The following ZNF45 variants were observed in gnomAD, a reference collection of about 807,000 sequenced individuals.
The protein encoded by ZNF45 is BRC1744.
In ZNF45, 4 loss-of-function variants were observed where a neutral mutation model predicts 12.0. The ratio of observed to expected loss-of-function variants is 0.33; its 90% CI spans 0.16 to 0.76. The LOEUF (loss-of-function observed/expected upper bound fraction) is 0.76. Among genes scored for constraint, ZNF45 ranks in the 30% least tolerant of loss-of-function variants. ZNF45 has a pLI of 0.60. For missense variants in ZNF45, 700 were observed against 813.0 expected (o/e 0.86, Z 1.69); for synonymous variants, 272 against 279.6 (o/e 0.97, Z 0.27).
intron 1 of ZNF45, 41 bp from the exon 2 acceptor site, chr19:43,934,735 A>G (rs763885710): frequency 6.6e-6 from 1 of 152,230 alleles, no homozygotes; most frequent in Non-Finnish European, 1.5e-5. Flanking sequence ...TTGCTGAAAA[A>G]TGAATATTTT....
intron 3 of ZNF45, among the ~76,000 whole-genome samples, chr19:43,927,126 G>C (rs763476283): frequency 1.5e-4 from 23 of 151,916 alleles, no homozygotes; most frequent in Non-Finnish European, 2.6e-4. Context: ...AGATAATTTC[G>C]GTCTCCTAAC....
At chr19:43,922,594 C>T (rs763195194) in intron 6 of ZNF45, among the ~76,000 whole-genome samples, 71 of 152,110 alleles carry the variant, frequency 4.7e-4, no homozygotes, top group African/African-American at 9.6e-4. Context: ...GCTATTTATT[C>T]GCTATGAAAT....
chr19:43,913,274 G>A lies in ZNF45; in HGVS notation c.*113C>T. ...CACTCTTGTGAGGCTTCTCTGCTGTGTGGTCTCCCAATCACTTGGCTGAAC... is the reference window on the plus strand; with the variant it reads ...CACTCTTGTGAGGCTTCTCTGCTGTATGGTCTCCCAATCACTTGGCTGAAC... On this transcript the variant is annotated 3_prime_UTR_variant, in exon 10 of 10. Coordinates refer to ENST00000269973, the MANE Select transcript of ZNF45 (RefSeq NM_003425.4). 7.9e-7 allele frequency: 1 copy of A among 1,261,488 alleles called. No individual in the cohort carries two copies. Among genetic ancestry groups the A allele is most frequent in the Non-Finnish European group, 1.1e-6 (1 of 920,186 alleles). The allele number at this position is 1,261,488 out of a possible 1,614,324, so 78.1% of individuals were successfully genotyped here.
intron 9 of ZNF45, 118 bp from the exon 10 acceptor site, chr19:43,915,318 A>G (rs2146739808): frequency 9.6e-7 from 1 of 1,040,634 alleles, no homozygotes; most frequent in Non-Finnish European, 1.3e-6. Context: ...AGAAGGTTCC[A>G]TTGCCTACTG....
chr19:43,918,886 C>T lies in ZNF45; in HGVS notation c.219G>A (p.Gln73=), dbSNP rs199752842. 106 of 1,614,098 alleles carry T rather than the reference C, an allele frequency of 6.6e-5. No individual in the cohort carries two copies. Among genetic ancestry groups the T allele is most frequent in the Non-Finnish European group, 8.4e-5 (99 of 1,179,960 alleles). ...EKLWMMKMAT[Q]RDNSSGAKNL... is the part of the protein sequence containing the mutation. The stretch of plus-strand genomic sequence containing the variant: ...CCTCCTCACCTGAGGAGTTATCTCT[C>T]TGGGTTGCCATCTTCATCATCCACA... Residue 73 remains glutamine (Q), a synonymous_variant, in exon 9 of 10, where the codon CAG becomes CAA. Transcript: ENST00000269973.
At chr19:43,918,020 G>C (rs1380392578) in intron 9 of ZNF45, among the ~76,000 whole-genome samples, 1 of 152,056 alleles carries the variant, frequency 6.6e-6, no homozygotes, top group Non-Finnish European at 1.5e-5. Context: ...GAAAATAAAG[G>C]CATTGCCATA....
intron 2 of ZNF45, among the ~76,000 whole-genome samples, chr19:43,933,571 C>G (rs1974300994): frequency 6.6e-6 from 1 of 152,028 alleles, no homozygotes; most frequent in Non-Finnish European, 1.5e-5. Flanking sequence ...GTGGGAGAGG[C>G]AATAAGATTA....
chr19:43,917,102 G>A (rs1187173626), intron 9 of ZNF45, among the ~76,000 whole-genome samples: 1 of 152,116 alleles, frequency 6.6e-6, no homozygotes, highest in African/African-American at 2.4e-5. Flanking sequence ...CTGAAGGCTA[G>A]GACTATTAGT....
Position 43,914,400 on chromosome 19 carries a change from G to A in ZNF45, c.1036C>T (p.His346Tyr). 1.9e-6 allele frequency: 3 copies of A among 1,609,842 alleles called. No individual in the cohort carries two copies. The highest frequency in any genetic ancestry group is 2.5e-6 in the Non-Finnish European group (3 of 1,177,242). The change falls in exon 10 of 10, where the codon CAC (histidine) becomes TAC (tyrosine). Residue 346 changes from histidine to tyrosine, a missense_variant. Physicochemically the swap from His to Tyr is moderately conservative, Grantham distance 83 (BLOSUM62 2). Coordinates refer to ENST00000269973, the MANE Select transcript of ZNF45 (RefSeq NM_003425.4). ...TGGATTCTACAATGAATATTAAGGT[G>A]TGAGCTGTAACTAAAGCTCTTGCCA... Reference protein sequence around the residue: ...ACGKSFSYSSHLNIHCRIHTG... With the variant: ...ACGKSFSYSSYLNIHCRIHTG...
chr19:43,913,868 G>C lies in ZNF45; in HGVS notation c.1568C>G (p.Thr523Ser). 1 of 1,613,790 alleles carries C rather than the reference G, an allele frequency of 6.2e-7. No individual in the cohort carries two copies. Among genetic ancestry groups the C allele is most frequent in the Non-Finnish European group, 8.5e-7 (1 of 1,179,854 alleles). The change falls in exon 10 of 10, where the codon ACT becomes AGT. Residue 523 changes from threonine to serine, a missense_variant. By Grantham distance (58) the Thr-to-Ser change is moderately conservative (BLOSUM62 1). Transcript: ENST00000269973. Reference sequence around the variant, plus strand: ...TGCACACTGATATGGTTTCTCTCCAGTGTGAACTCTCTGATGCACCTGAAG... The same window carrying C: ...TGCACACTGATATGGTTTCTCTCCACTGTGAACTCTCTGATGCACCTGAAG... ...SSLQVHQRVH[T>S]GEKPYQCAEC...
intron 3 of ZNF45, chr19:43,931,394 G>C (rs1295759868): frequency 6.6e-6 from 1 of 152,168 alleles, no homozygotes; most frequent in Non-Finnish European, 1.5e-5. Flanking sequence ...AATTAGCTGG[G>C]TGTGGTGGCG....
intron 7 of ZNF45, among the ~76,000 whole-genome samples, chr19:43,921,241 T>C (rs1449924999): frequency 6.6e-6 from 1 of 152,248 alleles, no homozygotes; most frequent in Admixed American, 6.5e-5. Context: ...TGTTTCTTTG[T>C]AATTAAAATG....
At chr19:43,925,728 T>A (rs1200271119) in intron 3 of ZNF45, among the ~76,000 whole-genome samples, 1 of 152,156 alleles carries the variant, frequency 6.6e-6, no homozygotes, top group East Asian at 1.9e-4. Context: ...TTCAAAAGAT[T>A]ATCCTGCCTC....
chr19:43,917,381 C>T (rs959798283), intron 9 of ZNF45, among the ~76,000 whole-genome samples: 2 of 152,162 alleles, frequency 1.3e-5, no homozygotes, highest in African/African-American at 4.8e-5. Flanking sequence ...TAGAAAGTTA[C>T]ATTGTAATAA....
Position 43,914,931 on chromosome 19 carries a change from A to G in ZNF45, c.505T>C (p.Cys169Arg). The change falls in exon 10 of 10, where the codon TGT (cysteine) becomes CGT (arginine). Residue 169 changes from cysteine (C) to arginine (R), a missense_variant. Cys to Arg is a radical substitution (Grantham distance 180). Transcript: ENST00000269973. ...TGEKPYKGEHCVKSFSWSSHL... is the reference protein window; with the variant it reads ...TGEKPYKGEHRVKSFSWSSHL... ...GAGCTCCAGCTGAAACTTTTCACACAATGTTCTCCTTTGTAGGGTTTTTCA... is the reference window on the plus strand; with the variant it reads ...GAGCTCCAGCTGAAACTTTTCACACGATGTTCTCCTTTGTAGGGTTTTTCA... The G allele has an allele frequency of 3.7e-6, 6 of 1,612,456 alleles. No homozygotes were observed. The highest frequency in any genetic ancestry group is 3.4e-6 in the Non-Finnish European group (4 of 1,178,556).
chr19:43,914,452 GC>G lies in ZNF45; in HGVS notation c.983del (p.Gly328AlafsTer53). ...RLQAHERIHT[G>X]EKPYKCNACG... Reference sequence around the variant, plus strand: ...ATGCATTGCATTTGTATGGTTTCTCGCCAGTGTGGATTCGCTCATGAGCCTG... The same window carrying G: ...ATGCATTGCATTTGTATGGTTTCTCGCAGTGTGGATTCGCTCATGAGCCTG... On this transcript the variant is annotated frameshift_variant, in exon 10 of 10. Transcript: ENST00000269973. LOFTEE classifies it low-confidence loss of function (END_TRUNC). 2 of 1,610,996 alleles carry G rather than the reference GC, an allele frequency of 1.2e-6. No homozygotes were observed. The highest frequency in any genetic ancestry group is 1.7e-6 in the Non-Finnish European group (2 of 1,178,328).
chr19:43,915,968 C>T (rs1972632501), intron 9 of ZNF45, among the ~76,000 whole-genome samples: 1 of 152,146 alleles, frequency 6.6e-6, no homozygotes, highest in African/African-American at 2.4e-5. Context: ...ACACATTATT[C>T]TAAAACCTGA....
rs900369469 is a variant in ZNF45, at chr19:43,917,408, A to C, written c.235+1462T>G. Among the ~76,000 whole-genome samples, 28 of 152,238 alleles carry C rather than the reference A, an allele frequency of 1.8e-4. 2 individuals carry two copies. Among genetic ancestry groups the C allele is most frequent in the Non-Finnish European group, 1.5e-5 (1 of 68,034 alleles). ...TTGTAATAATGGAAACTTGGGAAAC[A>C]GATAAATGTGTTTCCTTTAAGTTGA... is the stretch of plus-strand genomic sequence containing the variant. On this transcript the variant is annotated intron_variant, in intron 9 of 9. Coordinates refer to ENST00000269973, the MANE Select transcript of ZNF45 (RefSeq NM_003425.4).
intron 3 of ZNF45, among the ~76,000 whole-genome samples, chr19:43,926,918 A>T (rs1973724213): frequency 6.6e-6 from 1 of 152,234 alleles, no homozygotes. Flanking sequence ...GCAAGTCAGC[A>T]GGAGAACACT....
Sources: gnomAD v4.1 joint callset for allele counts (sites outside exome capture counted in the v4.1 genomes callset) on GRCh38, gnomAD v4.1.1 for gene constraint, MANE v1.5 for transcripts, NCBI Gene and HGNC (gene_info 2026-07-23, HGNC 2026-07-21) for gene names.